Variants in RUFY3 observed in about 807,000 individuals in gnomAD.
RUFY3 encodes protein RUFY3.
In RUFY3, 34 loss-of-function variants were observed where a neutral mutation model predicts 84.0. That is an observed-to-expected ratio of 0.40 (90% confidence interval 0.31 to 0.54). RUFY3 has a LOEUF of 0.54. RUFY3 is among the 20% of genes least tolerant of loss of function. RUFY3 has a pLI of 0.39. For synonymous variants in RUFY3, 242 were observed against 252.9 expected (o/e 0.96, Z 0.41); for missense variants, 507 against 736.8 (o/e 0.69, Z 3.61).
intron 12 of RUFY3, chr4:70,792,932 G>C (rs955981724): frequency 1.0e-6 from 1 of 985,152 alleles, no homozygotes; most frequent in African/African-American, 1.7e-5. Context: ...GTGATGGGTT[G>C]CCTTTTCTAC....
At chr4:70,760,603 A>T (rs1047699901) in intron 1 of RUFY3, among the ~76,000 whole-genome samples, 1 of 152,086 alleles carries the variant, frequency 6.6e-6, no homozygotes, top group Admixed American at 6.6e-5. Flanking sequence ...TAGAATGTAC[A>T]TACATGCTGG....
chr4:70,710,798 C>T lies in RUFY3; in HGVS notation c.358+5504C>T, dbSNP rs367916014. Among the ~76,000 whole-genome samples the T allele has an allele frequency of 9.8e-3, 1,490 of 151,726 alleles. 10 individuals are homozygous for T. Among genetic ancestry groups the T allele is most frequent in the Non-Finnish European group, 0.015 (1,047 of 67,908 alleles). Reference sequence around the variant, plus strand: ...TGTCAATGGGCCAGGCATGGTGGCTCATGCCTGTAATCCCAGCACTTTGGG... The same window carrying T: ...TGTCAATGGGCCAGGCATGGTGGCTTATGCCTGTAATCCCAGCACTTTGGG... On this transcript the variant is annotated intron_variant, in intron 1 of 11. Coordinates refer to the RUFY3 transcript ENST00000417478.
chr4:70,786,003 T>A (rs1729733963), intron 10 of RUFY3, among the ~76,000 whole-genome samples: 1 of 152,336 alleles, frequency 6.6e-6, no homozygotes, highest in East Asian at 1.9e-4. Context: ...TCAACCTAAG[T>A]GTTCATCAAC....
rs148311731 is a variant in RUFY3 at position 70,739,781 on chromosome 4, G to A, written c.178+17030G>A. On this transcript the variant is annotated intron_variant, in intron 1 of 17. Coordinates refer to ENST00000381006, the MANE Select transcript of RUFY3 (RefSeq NM_001037442.4). ...CCAGAGAAAAAAGAAGTACAAGAGG[G>A]GCCAGGCTCACCTTCTACCAGACCA... is the stretch of plus-strand genomic sequence containing the variant. Among the ~76,000 whole-genome samples, 30 of 150,658 alleles carry A rather than the reference G, an allele frequency of 2.0e-4. No individual in the cohort carries two copies. In the East Asian group the frequency reaches 5.6e-3, roughly 28 times the overall value.
chr4:70,803,217 T>G (rs1361618017), intron 16 of RUFY3: 3 of 410,700 alleles, frequency 7.3e-6, no homozygotes, highest in African/African-American at 2.0e-5. Context: ...ATCCCTGACA[T>G]AAGATCTAGG....
intron 1 of RUFY3, among the ~76,000 whole-genome samples, chr4:70,742,132 T>C (rs1288089091): frequency 6.6e-6 from 1 of 152,170 alleles, no homozygotes; most frequent in Non-Finnish European, 1.5e-5. Flanking sequence ...AGCATTCTTT[T>C]CTGGTGTAAT....
At chr4:70,733,127 AGGGAGGGAG>A (rs1719674210) in intron 1 of RUFY3, among the ~76,000 whole-genome samples, 1 of 54,596 alleles carries the variant, frequency 1.8e-5, no homozygotes, top group South Asian at 8.4e-4. Context: ...AGAGGGAGGG[AGGGAGGGAG>A]GGAGAGAGAG....
At chr4:70,739,910 C>T (rs1313143863) in intron 1 of RUFY3, among the ~76,000 whole-genome samples, 3 of 147,658 alleles carry the variant, frequency 2.0e-5, no homozygotes, top group Non-Finnish European at 4.5e-5. Flanking sequence ...ATAATTGCTT[C>T]AACCCAGGAG....
chr4:70,790,321 T>G (rs114535221), intron 12 of RUFY3, among the ~76,000 whole-genome samples: 1,844 of 152,320 alleles, frequency 0.012, 29 homozygotes, highest in African/African-American at 0.042. Context: ...TCTTCAAGGA[T>G]GAATGTGACG....
At chr4:70,715,007 A>G (rs1741403234) in intron 1 of RUFY3, among the ~76,000 whole-genome samples, 2 of 152,208 alleles carry the variant, frequency 1.3e-5, no homozygotes, top group African/African-American at 4.8e-5. Context: ...GTTTCTAACA[A>G]AGTAATGATA....
intron 1 of RUFY3, among the ~76,000 whole-genome samples, chr4:70,737,033 T>G (rs1720428336): frequency 6.6e-6 from 1 of 152,268 alleles, no homozygotes; most frequent in Admixed American, 6.5e-5. Context: ...CAAACTACTT[T>G]AAACAATTAA....
chr4:70,713,985 T>G (rs962363492), intron 1 of RUFY3, among the ~76,000 whole-genome samples: 14 of 152,230 alleles, frequency 9.2e-5, no homozygotes, highest in Non-Finnish European at 2.1e-4. Context: ...CATAGTGCAG[T>G]TATGGTGACA....
chr4:70,732,589 G>A (rs946114899), intron 1 of RUFY3, among the ~76,000 whole-genome samples: 7 of 152,150 alleles, frequency 4.6e-5, no homozygotes, highest in Non-Finnish European at 7.3e-5. Context: ...AAAACAGGAT[G>A]TGTTCATGTC....
At chr4:70,719,874 T>C (rs1742062900), upstream of RUFY3, among the ~76,000 whole-genome samples, 1 of 152,184 alleles carries the variant, frequency 6.6e-6, no homozygotes, top group South Asian at 2.1e-4. Context: ...CTACCTGGCA[T>C]GTGGAGCACC....
At chr4:70,712,107 G>A (rs879326570) in intron 1 of RUFY3, among the ~76,000 whole-genome samples, 2 of 151,816 alleles carry the variant, frequency 1.3e-5, no homozygotes, top group Non-Finnish European at 2.9e-5. Flanking sequence ...TCCCATCTTA[G>A]TTTTATTCTG....
At chr4:70,801,962 A>G (rs901636692) in intron 15 of RUFY3, among the ~76,000 whole-genome samples, 1 of 152,222 alleles carries the variant, frequency 6.6e-6, no homozygotes, top group African/African-American at 2.4e-5. Flanking sequence ...TCCTGAGAAT[A>G]TGGAACAGTG....
At position 70,802,030 on chromosome 4, in the gene RUFY3, C is replaced by T. The variant is rs551724044; in HGVS notation, c.1623-926C>T. ...AGAATTTGTTTCACATTTATTATCT[C>T]CTTATGATTCAGTATTCCTTACAAA... On this transcript the variant is annotated intron_variant, in intron 15 of 17. Transcript: ENST00000381006. Among the ~76,000 whole-genome samples, 8 of 152,320 alleles carry T rather than the reference C, an allele frequency of 5.3e-5. No homozygotes were observed. The South Asian group carries it at 1.7e-3, about 32-fold the overall frequency.
intron 1 of RUFY3, among the ~76,000 whole-genome samples, chr4:70,708,742 G>GAACA (rs1740630688): frequency 6.6e-6 from 1 of 152,136 alleles, no homozygotes; most frequent in African/African-American, 2.4e-5. Flanking sequence ...TAACAGTGCT[G>GAACA]AAGAATAGCA....
At chr4:70,791,496 G>T in intron 12 of RUFY3, 1 of 1,373,780 alleles carries the variant, frequency 7.3e-7, no homozygotes, top group African/African-American at 1.5e-5. Flanking sequence ...CCCAGGGTTA[G>T]AAAAATTGGT....
Sources: gnomAD v4.1 joint callset for allele counts (sites outside exome capture counted in the v4.1 genomes callset) on GRCh38, gnomAD v4.1.1 for gene constraint, MANE v1.5 for transcripts, NCBI Gene and HGNC (gene_info 2026-07-23, HGNC 2026-07-21) for gene names.